SEMA3D: variants seen among roughly 807,000 people sequenced by gnomAD.
SEMA3D encodes the protein semaphorin-3D.
SEMA3D carries 84 observed loss-of-function variants against 100.1 expected under a neutral mutation model. The observed-to-expected ratio is 0.84, with a 90% CI of 0.70 to 1.01. SEMA3D has a LOEUF of 1.01. Among genes scored for constraint, SEMA3D ranks in the 50% least tolerant of loss-of-function variants. SEMA3D has a pLI of 0.00. For missense variants in SEMA3D, 875 were observed against 934.1 expected (o/e 0.94, Z 0.82); for synonymous variants, 312 against 320.7 (o/e 0.97, Z 0.29).
intron 4 of SEMA3D, among the ~76,000 whole-genome samples, chr7:85,095,772 A>G (rs1308670745): frequency 6.6e-6 from 1 of 152,072 alleles, no homozygotes; most frequent in Non-Finnish European, 1.5e-5. Flanking sequence ...TCAGTTATGT[A>G]GATAACATCT....
chr7:85,143,669 T>A (rs1048064459), intron 2 of SEMA3D, among the ~76,000 whole-genome samples: 1 of 152,052 alleles, frequency 6.6e-6, no homozygotes, highest in African/African-American at 2.4e-5. Context: ...AGTAATATAA[T>A]CCAGTTGTAT....
rs10247520 is a variant in SEMA3D, at chr7:85,098,221, A to T, written c.152-256T>A. 1.4e-3 allele frequency among the ~76,000 whole-genome samples: 218 copies of T among 151,962 alleles called. 1 individual carries two copies. The highest frequency in any genetic ancestry group is 5.0e-3 in the African/African-American group (209 of 41,536). On this transcript the variant is annotated intron_variant, in intron 3 of 18. Transcript: ENST00000284136. ...TAAAAGGGCCAATATAGCTATATGTAATTACAGTTTTCAACGTAATTATTT... is the reference window on the plus strand; with the variant it reads ...TAAAAGGGCCAATATAGCTATATGTTATTACAGTTTTCAACGTAATTATTT...
intron 4 of SEMA3D, among the ~76,000 whole-genome samples, chr7:85,091,094 G>A (rs1457052006): frequency 6.8e-6 from 1 of 147,944 alleles, no homozygotes; most frequent in African/African-American, 2.5e-5. Context: ...GAGAAAGAGA[G>A]AGGGAGAGAG....
intron 1 of SEMA3D, among the ~76,000 whole-genome samples, chr7:85,177,480 A>T (rs1562845877): frequency 6.6e-6 from 1 of 152,200 alleles, no homozygotes; most frequent in Non-Finnish European, 1.5e-5. Context: ...TTTGGCAAGA[A>T]TCTTGGAAGC....
rs138021583 is a variant in SEMA3D at position 85,074,115 on chromosome 7, C to G, written c.376-1034G>C. 5.0e-3 allele frequency among the ~76,000 whole-genome samples: 768 copies of G among 152,178 alleles called. 11 individuals carry two copies. The highest frequency in any genetic ancestry group is 0.018 in the African/African-American group (729 of 41,490). ...TCATGATTCTTGGATCCAATGACAC[C>G]TAAGTAAACACTGGGCTGGAGCAGA... On this transcript the variant is annotated intron_variant, in intron 5 of 18. Transcript: ENST00000284136.
At chr7:85,096,140 A>T (rs1169854937) in intron 4 of SEMA3D, among the ~76,000 whole-genome samples, 8 of 151,958 alleles carry the variant, frequency 5.3e-5, no homozygotes, top group Admixed American at 2.0e-4. Context: ...TTGCAAAGTT[A>T]GCTAAGATTT....
chr7:85,113,725 C>A (rs187115763), intron 3 of SEMA3D, among the ~76,000 whole-genome samples: 1 of 150,736 alleles, frequency 6.6e-6, no homozygotes, highest in African/African-American at 2.4e-5. Context: ...GAGCCGAGAT[C>A]GTGCCACTGC....
At chr7:85,244,935 C>T in the SEMA3D span, among the ~76,000 whole-genome samples, 1 of 152,094 alleles carries the variant, frequency 6.6e-6, no homozygotes, top group Non-Finnish European at 1.5e-5. Flanking sequence ...TGTTCTTGAT[C>T]TCCTGACCTT....
At chr7:85,097,994 GAGAAAGAAAAAAGAA>G (rs766673039) in intron 3 of SEMA3D, 29 bp from the exon 4 acceptor site, 35 of 1,230,056 alleles carry the variant, frequency 2.8e-5, no homozygotes, top group Non-Finnish European at 3.7e-5. Context: ...GAAAAGAAAG[GAGAAAGAAAAAAGAA>G]AGAAAGAAAG....
chr7:85,055,716 C>A lies in SEMA3D; in HGVS notation c.861+1G>T, dbSNP rs1450543612. 2 of 1,182,690 alleles carry A rather than the reference C, an allele frequency of 1.7e-6. No homozygotes were observed. The highest frequency in any genetic ancestry group is 2.3e-5 in the Admixed American group (1 of 42,864). 73.3% of individuals were successfully genotyped at this position (1,182,690 alleles called of 1,614,324 possible). On this transcript the variant is annotated splice_donor_variant, in intron 9 of 18. Transcript: ENST00000284136. LOFTEE classifies it high-confidence loss of function. ...AAGTAAAATATATAAATATATCTTG[C>A]CTTACAAACTCTTCCAACTCGAGAA...
At chr7:85,234,993 G>A in the SEMA3D span, among the ~76,000 whole-genome samples, 1 of 152,152 alleles carries the variant, frequency 6.6e-6, no homozygotes, top group East Asian at 1.9e-4. Context: ...AGCTTGGGGA[G>A]TGAGCAGTTT....
the SEMA3D span, among the ~76,000 whole-genome samples, chr7:85,233,409 T>C: frequency 6.6e-6 from 1 of 152,198 alleles, no homozygotes; most frequent in Admixed American, 6.5e-5. Context: ...TTTCCATGTA[T>C]AGAATTAGAG....
chr7:85,008,650 T>G (rs1169494174), intron 17 of SEMA3D, among the ~76,000 whole-genome samples: 1 of 151,668 alleles, frequency 6.6e-6, no homozygotes, highest in African/African-American at 2.4e-5. Context: ...AAGTGGAAAA[T>G]TCTACTTGAT....
At chr7:85,060,232 G>A (rs1441565800) in intron 8 of SEMA3D, among the ~76,000 whole-genome samples, 1 of 152,176 alleles carries the variant, frequency 6.6e-6, no homozygotes, top group African/African-American at 2.4e-5. Flanking sequence ...ATTTAATTAT[G>A]AGAAAAAGAG....
At chr7:85,027,614 T>C (rs564407618) in intron 12 of SEMA3D, among the ~76,000 whole-genome samples, 1 of 152,194 alleles carries the variant, frequency 6.6e-6, no homozygotes, top group East Asian at 1.9e-4. Flanking sequence ...TTTACTTTAT[T>C]TTCTCACTAA....
the SEMA3D span, among the ~76,000 whole-genome samples, chr7:85,237,514 C>T: frequency 3.9e-5 from 6 of 152,106 alleles, no homozygotes; most frequent in African/African-American, 1.2e-4. Flanking sequence ...TCCAGAATGT[C>T]ATATAGTTGA....
At chr7:85,228,661 TC>T in the SEMA3D span, among the ~76,000 whole-genome samples, 1 of 152,076 alleles carries the variant, frequency 6.6e-6, no homozygotes, top group African/African-American at 2.4e-5. Flanking sequence ...GAGTTGGTAA[TC>T]CATAATTTTT....
intron 9 of SEMA3D, among the ~76,000 whole-genome samples, chr7:85,052,521 CT>C (rs1310575276): frequency 2.0e-5 from 3 of 151,890 alleles, no homozygotes; most frequent in African/African-American, 4.8e-5. Flanking sequence ...CAAAAAACAA[CT>C]GTCACAACGC....
the SEMA3D span, among the ~76,000 whole-genome samples, chr7:85,222,892 C>G: frequency 2.0e-5 from 3 of 151,984 alleles, no homozygotes; most frequent in Non-Finnish European, 2.9e-5. Context: ...AAAATTTTCG[C>G]AAACCATGCA....
Sources: gnomAD v4.1 joint callset for allele counts (sites outside exome capture counted in the v4.1 genomes callset) on GRCh38, gnomAD v4.1.1 for gene constraint, MANE v1.5 for transcripts, NCBI Gene and HGNC (gene_info 2026-07-23, HGNC 2026-07-21) for gene names.